Variants in ZIC1 observed in about 807,000 individuals in gnomAD.
ZIC1 encodes Zic family zinc finger 1.
In ZIC1, 4 loss-of-function variants were observed where a neutral mutation model predicts 30.9. That is an observed-to-expected ratio of 0.13 (90% confidence interval 0.06 to 0.30). The LOEUF (loss-of-function observed/expected upper bound fraction) is 0.30. ZIC1 is among the 10% of genes least tolerant of loss of function. The pLI, the probability that ZIC1 is intolerant of heterozygous loss-of-function variation, is 1.00. For missense variants in ZIC1, 441 were observed against 639.3 expected (o/e 0.69, Z 3.34); for synonymous variants, 305 against 277.5 (o/e 1.10, Z -0.98).
chr3:147,412,807 A>G (rs1322626374), intron 2 of ZIC1, 126 bp downstream of exon 2: 2 of 1,174,152 alleles, frequency 1.7e-6, no homozygotes, highest in Non-Finnish European at 2.4e-6. Context: ...CAAAGGTTCC[A>G]CTCAGTGGAA....
chr3:147,416,281 C>T lies in ZIC1; in HGVS notation c.*2730C>T, dbSNP rs2087433380. On this transcript the variant is annotated 3_prime_UTR_variant, in exon 3 of 3. Coordinates refer to ENST00000282928, the MANE Select transcript of ZIC1 (RefSeq NM_003412.4). ...TCCTTCCCACTTTCATTGAGATCAGCTTGTCTGATAACCTGATATGAGTGT... is the reference window on the plus strand; with the variant it reads ...TCCTTCCCACTTTCATTGAGATCAGTTTGTCTGATAACCTGATATGAGTGT... 1 of 152,322 alleles carries T rather than the reference C, an allele frequency of 6.6e-6. No homozygotes were observed. The highest frequency in any genetic ancestry group is 1.9e-4 in the East Asian group (1 of 5,188). 9.4% of individuals were successfully genotyped at this position (152,322 alleles called of 1,614,324 possible).
intron 1 of ZIC1, among the ~76,000 whole-genome samples, chr3:147,411,968 C>T (rs2087384131): frequency 6.6e-6 from 1 of 152,120 alleles, no homozygotes; most frequent in Non-Finnish European, 1.5e-5. Context: ...GAGAACCATG[C>T]TTGAGACTTC....
At chr3:147,412,820 G>A (rs2087393569) in intron 2 of ZIC1, 139 bp downstream of exon 2, 2 of 1,073,044 alleles carry the variant, frequency 1.9e-6, no homozygotes, top group Admixed American at 2.8e-5. Flanking sequence ...CAGTGGAACT[G>A]GGCAGAGAAG....
rs954486407 is a variant in ZIC1 at position 147,415,731 on chromosome 3, T to A, written c.*2180T>A. On this transcript the variant is annotated 3_prime_UTR_variant, in exon 3 of 3. Coordinates refer to ENST00000282928, the MANE Select transcript of ZIC1 (RefSeq NM_003412.4). ...ACAAGAGGAAAAACCCCACAAAGTA[T>A]AACAACCCCTTAAGATACATCTATT... 6.6e-6 allele frequency: 1 copy of A among 152,240 alleles called. No individual in the cohort carries two copies. Among genetic ancestry groups the A allele is most frequent in the Non-Finnish European group, 1.5e-5 (1 of 68,038 alleles). 9.4% of individuals were successfully genotyped at this position (152,240 alleles called of 1,614,324 possible).
intron 1 of ZIC1, among the ~76,000 whole-genome samples, chr3:147,411,412 G>T (rs942174073): frequency 6.6e-6 from 1 of 152,196 alleles, no homozygotes; most frequent in South Asian, 2.1e-4. Flanking sequence ...AAAGTGGCTG[G>T]CTCCCGGCAG....
chr3:147,411,760 G>A (rs1477275491), intron 1 of ZIC1, among the ~76,000 whole-genome samples: 2 of 151,912 alleles, frequency 1.3e-5, no homozygotes, highest in African/African-American at 4.8e-5. Flanking sequence ...CTCCATGAGG[G>A]TGTTTTCAAA....
rs111471833 is a variant in ZIC1, at chr3:147,416,117, A to T, written c.*2566A>T. ...ATTTGCGAAGCAAAAGCTAGCCCCA[A>T]TTGGTTTGGAAGTTTGAAACTGATT... On this transcript the variant is annotated 3_prime_UTR_variant, in exon 3 of 3. Transcript: ENST00000282928. The T allele has an allele frequency of 6.6e-6, 1 of 152,258 alleles. No homozygotes were observed. Among genetic ancestry groups the T allele is most frequent in the Non-Finnish European group, 1.5e-5 (1 of 68,042 alleles). The allele number at this position is 152,258 out of a possible 1,614,324, so 9.4% of individuals were successfully genotyped here. A position where few individuals can be genotyped will look rare whatever the true frequency, so the allele number is the denominator to read the frequency against.
At chr3:147,412,409 C>A (rs1014963646) in intron 1 of ZIC1, 109 bp from the exon 2 acceptor site, 31 of 1,352,082 alleles carry the variant, frequency 2.3e-5, no homozygotes, top group Admixed American at 1.4e-4. Flanking sequence ...AAGTGCTAAT[C>A]CTGGGCTGCT....
rs1175750563 is a variant in ZIC1, at chr3:147,410,400, C to T, written c.288C>T (p.Ser96=). The T allele has an allele frequency of 1.2e-6, 2 of 1,602,772 alleles. No individual in the cohort carries two copies. The highest frequency in any genetic ancestry group is 1.7e-6 in the Non-Finnish European group (2 of 1,179,710). ...CCTATTCCAGCGCAGCCTTCAACTC[C>T]ACGCGGGACTTTCTGTTCCGCAACC... ...VGSYSSAAFN[S]TRDFLFRNRG... is the part of the protein sequence containing the mutation. Residue 96 remains serine (S), a synonymous_variant, in exon 1 of 3, where the codon TCC becomes TCT. Coordinates refer to ENST00000282928, the MANE Select transcript of ZIC1 (RefSeq NM_003412.4).
chr3:147,411,163 G>T (rs531518447), intron 1 of ZIC1, 69 bp downstream of exon 1: 168 of 1,537,028 alleles, frequency 1.1e-4, no homozygotes, highest in Non-Finnish European at 1.4e-4. Context: ...AAAGTCAGCG[G>T]CCAGGTCGCA....
intron 2 of ZIC1, among the ~76,000 whole-genome samples, chr3:147,412,916 T>A (rs934510076): frequency 8.5e-5 from 13 of 152,054 alleles, no homozygotes; most frequent in African/African-American, 2.7e-4. Flanking sequence ...AAGAGGCGAG[T>A]ATGAGCAAAG....
At position 147,415,292 on chromosome 3, in the gene ZIC1, T is replaced by G. The variant is rs2087424261; in HGVS notation, c.*1741T>G. On this transcript the variant is annotated 3_prime_UTR_variant, in exon 3 of 3. Transcript: ENST00000282928. The stretch of plus-strand genomic sequence containing the variant: ...TTTATTTCTCATTTACTTAAGAAAT[T>G]CGTTCCATTGGTTGGCATTGATACA... The G allele has an allele frequency of 6.5e-6, 1 of 152,790 alleles. No individual in the cohort carries two copies. The highest frequency in any genetic ancestry group is 1.5e-5 in the Non-Finnish European group (1 of 68,050). 9.5% of individuals were successfully genotyped at this position (152,790 alleles called of 1,614,324 possible).
Position 147,416,665 on chromosome 3 carries a change from G to A in ZIC1, c.*3114G>A, listed in dbSNP as rs1034004731. The A allele has an allele frequency of 1.3e-5, 2 of 152,278 alleles. No individual in the cohort carries two copies. The highest frequency in any genetic ancestry group is 1.3e-4 in the Admixed American group (2 of 15,298). 9.4% of individuals were successfully genotyped at this position (152,278 alleles called of 1,614,324 possible). ...TTTGAAGAGTAGTGTGTTTGCATTT[G>A]TGAATAATCTTACTCACAGCAAGTA... On this transcript the variant is annotated 3_prime_UTR_variant, in exon 3 of 3. Transcript: ENST00000282928.
In ZIC1 at chr3:147,409,978, C is replaced by G. The variant is rs572586448; in HGVS notation, c.-135C>G. On this transcript the variant is annotated 5_prime_UTR_variant, in exon 1 of 3. Transcript: ENST00000282928. ...CAGGCTAGGACTTCGCGAGGTGGGT[C>G]GACTCCCCCTCCCTCCTCCTCTTCT... The G allele has an allele frequency of 1.1e-5, 11 of 1,002,598 alleles. No homozygotes were observed. The African/African-American group carries it at 1.6e-4, about 14-fold the overall frequency. 62.1% of individuals were successfully genotyped at this position (1,002,598 alleles called of 1,614,324 possible).
intron 1 of ZIC1, among the ~76,000 whole-genome samples, chr3:147,412,275 A>AT (rs2087388060): frequency 6.6e-6 from 1 of 152,080 alleles, no homozygotes; most frequent in African/African-American, 2.4e-5. Context: ...CCTACTATTA[A>AT]TTTTTTTAAA....
Position 147,410,271 on chromosome 3 carries a change from G to T in ZIC1, c.159G>T (p.Ser53=). The change falls in exon 1 of 3, where the codon TCG becomes TCT. Residue 53 remains serine (S), a synonymous_variant. Coordinates refer to ENST00000282928, the MANE Select transcript of ZIC1 (RefSeq NM_003412.4). Reference sequence around the variant, plus strand: ...GCGCCTTCAAGCTCAACCCCAGTTCGCACGAGCTGGCTTCGGCCGGCCAGA... The same window carrying T: ...GCGCCTTCAAGCTCAACCCCAGTTCTCACGAGCTGGCTTCGGCCGGCCAGA... ...GMGAFKLNPS[S]HELASAGQTA... The T allele has an allele frequency of 2.5e-6, 4 of 1,600,682 alleles. No homozygotes were observed. The highest frequency in any genetic ancestry group is 2.5e-6 in the Non-Finnish European group (3 of 1,179,634).
In ZIC1 at chr3:147,411,114, A is replaced by AC; in HGVS notation, c.982+24dup. The AC allele has an allele frequency of 6.3e-7, 1 of 1,594,920 alleles. No homozygotes were observed. Among genetic ancestry groups the AC allele is most frequent in the South Asian group, 1.1e-5 (1 of 87,900 alleles). On this transcript the variant is annotated intron_variant, in intron 1 of 2. Coordinates refer to ENST00000282928, the MANE Select transcript of ZIC1 (RefSeq NM_003412.4). ...ACACAGGTACGGAAACAGCTGTAGG[A>AC]CCCCTACCCATTCCCACTTGGGCCT...
chr3:147,411,885 T>C (rs2087383024), intron 1 of ZIC1, among the ~76,000 whole-genome samples: 1 of 151,870 alleles, frequency 6.6e-6, no homozygotes, highest in Non-Finnish European at 1.5e-5. Context: ...AGACAAAACA[T>C]TCTGGGCCCC....
intron 1 of ZIC1, 129 bp downstream of exon 1, chr3:147,411,223 A>G: frequency 7.7e-7 from 1 of 1,298,172 alleles, no homozygotes; most frequent in Non-Finnish European, 1.0e-6. Context: ...GCAGGCAGGC[A>G]GGGAAAGTGT....
Sources: gnomAD v4.1 joint callset for allele counts (sites outside exome capture counted in the v4.1 genomes callset) on GRCh38, gnomAD v4.1.1 for gene constraint, MANE v1.5 for transcripts, NCBI Gene and HGNC (gene_info 2026-07-23, HGNC 2026-07-21) for gene names.